PTPRC: variants seen among roughly 807,000 people sequenced by gnomAD.
PTPRC encodes protein tyrosine phosphatase receptor type C, also known as receptor-type tyrosine-protein phosphatase C.
A neutral mutation model predicts 155.9 loss-of-function variants in PTPRC; 44 were observed. The observed-to-expected ratio is 0.28, with a 90% CI of 0.22 to 0.36. PTPRC has a LOEUF of 0.36. PTPRC is among the 10% of genes least tolerant of loss of function. The pLI, the probability that PTPRC is intolerant of heterozygous loss-of-function variation, is 1.00. For synonymous variants in PTPRC, 525 were observed against 533.1 expected, an observed-to-expected ratio of 0.98 and a Z score of 0.21; for missense variants, 1,401 against 1,564.6, an observed-to-expected ratio of 0.90 and a Z score of 1.76.
chr1:198,738,101 A>G (rs1354331411), intron 23 of PTPRC, among the ~76,000 whole-genome samples: 1 of 151,806 alleles, frequency 6.6e-6, no homozygotes, highest in Non-Finnish European at 1.5e-5. Context: ...GGAATGTGCA[A>G]ACAAGTATAA....
chr1:198,646,736 T>C (rs1662957761), intron 2 of PTPRC, among the ~76,000 whole-genome samples: 1 of 151,924 alleles, frequency 6.6e-6, no homozygotes, highest in African/African-American at 2.4e-5. Context: ...AATTATTATG[T>C]TTGAATTCTC....
At chr1:198,708,910 T>C (rs553725109) in intron 10 of PTPRC, among the ~76,000 whole-genome samples, 1 of 152,322 alleles carries the variant, frequency 6.6e-6, no homozygotes, top group East Asian at 1.9e-4. Flanking sequence ...TGTGCTCAGG[T>C]GTGCATGCGC....
At position 198,728,427 on chromosome 1, in the gene PTPRC, A is replaced by G. The variant is rs754699279; in HGVS notation, c.1808A>G (p.Asp603Gly). 3.2e-5 allele frequency: 51 copies of G among 1,612,520 alleles called. No homozygotes were observed. The South Asian group carries it at 4.3e-4, about 14-fold the overall frequency. The change falls in exon 16 of 33, where the codon GAT becomes GGT. Residue 603 changes from aspartate to glycine, a missense_variant. Around this residue, in one of 3 missense-constraint regions of PTPRC, gnomAD observed 867 missense variants for 970.4 expected, o/e 0.89. Transcript: ENST00000442510. ...CTTGTTGTTCTCTACAAAATCTATG[A>G]TCTACATAAGAAAAGATCCTGGTAA... Reference protein sequence around the residue: ...ALLVVLYKIYDLHKKRSCNLD... With the variant: ...ALLVVLYKIYGLHKKRSCNLD...
At chr1:198,740,299 C>A (rs1016189306) in intron 23 of PTPRC, among the ~76,000 whole-genome samples, 2 of 151,698 alleles carry the variant, frequency 1.3e-5, no homozygotes, top group African/African-American at 4.8e-5. Context: ...ATTGACAGGC[C>A]AGGTGCAGTG....
chr1:198,696,328 T>G (rs559158447), intron 3 of PTPRC, among the ~76,000 whole-genome samples: 1 of 152,150 alleles, frequency 6.6e-6, no homozygotes, highest in South Asian at 2.1e-4. Flanking sequence ...ACTTTTTAAT[T>G]TTTTTAATCA....
chr1:198,646,868 A>G (rs1040088787), intron 2 of PTPRC, among the ~76,000 whole-genome samples: 1 of 151,902 alleles, frequency 6.6e-6, no homozygotes, highest in Non-Finnish European at 1.5e-5. Context: ...CTCAATGTAA[A>G]ATAGTGTGTG....
At chr1:198,711,388 G>C (rs1653302316) in intron 11 of PTPRC, among the ~76,000 whole-genome samples, 1 of 152,102 alleles carries the variant, frequency 6.6e-6, no homozygotes, top group Admixed American at 6.6e-5. Context: ...AATGTTTTCA[G>C]TGGGGGAAAA....
Position 198,707,715 on chromosome 1 carries a change from C to A in PTPRC, c.905-418C>A, listed in dbSNP as rs550589618. The stretch of plus-strand genomic sequence containing the variant: ...CAGAAGATGACAATACTTAAAAATG[C>A]ATTTCCCAATAGGGAAACTCCCAAT... On this transcript the variant is annotated intron_variant, in intron 9 of 32. Transcript: ENST00000442510. Among the ~76,000 whole-genome samples, 3 of 152,214 alleles carry A rather than the reference C, an allele frequency of 2.0e-5. No individual in the cohort carries two copies. In the South Asian group the frequency reaches 6.2e-4, roughly 32 times the overall value.
intron 2 of PTPRC, among the ~76,000 whole-genome samples, chr1:198,666,656 A>G (rs1363892019): frequency 6.6e-6 from 1 of 152,216 alleles, no homozygotes; most frequent in Non-Finnish European, 1.5e-5. Flanking sequence ...GACTAGACAC[A>G]GAAATTAAAG....
Position 198,699,709 on chromosome 1 carries a change from G to A in PTPRC, c.439+5G>A. The A allele has an allele frequency of 6.2e-7, 1 of 1,614,154 alleles. No homozygotes were observed. Among genetic ancestry groups the A allele is most frequent in the Non-Finnish European group, 8.5e-7 (1 of 1,180,028 alleles). ...CAGGCAGCAATGCTATCTCAGGTTT[G>A]CGGGTCCTTTAGACTTGTGCAAATA... On this transcript the variant is annotated splice_donor_5th_base_variant and intron_variant, in intron 5 of 32. Coordinates refer to ENST00000442510, the MANE Select transcript of PTPRC (RefSeq NM_002838.5).
In PTPRC at chr1:198,692,575, A is replaced by G. The variant is rs1665986999; in HGVS notation, c.100+202A>G. 3.8e-6 allele frequency: 4 copies of G among 1,053,764 alleles called. No homozygotes were observed. The African/African-American group carries it at 6.7e-5, about 18-fold the overall frequency. The allele number at this position is 1,053,764 out of a possible 1,614,324, so 65.3% of individuals were successfully genotyped here. A position where few individuals can be genotyped will look rare whatever the true frequency, so the allele number is the denominator to read the frequency against. On this transcript the variant is annotated intron_variant, in intron 3 of 32. Coordinates refer to ENST00000442510, the MANE Select transcript of PTPRC (RefSeq NM_002838.5). ...TAATAACTACCTAAACATGTTATTA[A>G]ATTTGTATATATATTTTGTGTATAA...
At chr1:198,682,882 CAAT>C (rs1665417026) in intron 2 of PTPRC, among the ~76,000 whole-genome samples, 1 of 152,118 alleles carries the variant, frequency 6.6e-6, no homozygotes, top group African/African-American at 2.4e-5. Context: ...CACTTTTTAA[CAAT>C]AAGTTTTAAT....
At chr1:198,696,662 A>C in intron 3 of PTPRC, 50 bp from the exon 4 acceptor site, 1 of 1,454,688 alleles carries the variant, frequency 6.9e-7, no homozygotes, top group Non-Finnish European at 9.7e-7. Flanking sequence ...CATTTAGGGT[A>C]TGATTCACAT....
chr1:198,662,975 C>G (rs1352171748), intron 2 of PTPRC, among the ~76,000 whole-genome samples: 1 of 152,154 alleles, frequency 6.6e-6, no homozygotes, highest in African/African-American at 2.4e-5. Flanking sequence ...GAGGGAGGAG[C>G]TGAATTACGC....
intron 2 of PTPRC, among the ~76,000 whole-genome samples, chr1:198,649,018 G>C (rs916098806): frequency 6.6e-6 from 1 of 151,680 alleles, no homozygotes; most frequent in African/African-American, 2.4e-5. Context: ...AGGAAGTGTA[G>C]ACACTAGATA....
chr1:198,701,452 T>A (rs1666458041), intron 5 of PTPRC, among the ~76,000 whole-genome samples: 1 of 151,918 alleles, frequency 6.6e-6, no homozygotes, highest in African/African-American at 2.4e-5. Context: ...CCCAACAAGC[T>A]CTTGAATAGA....
intron 2 of PTPRC, among the ~76,000 whole-genome samples, chr1:198,669,388 T>C (rs1664515240): frequency 6.6e-6 from 1 of 152,216 alleles, no homozygotes; most frequent in Non-Finnish European, 1.5e-5. Context: ...TTTTATGCTT[T>C]CTGGCCTCCT....
At position 198,709,611 on chromosome 1, in the gene PTPRC, A is replaced by G; in HGVS notation, c.1034-76A>G. ...GATAAATATTAAATAGAGAATTATA[A>G]ATGTGAAATTAGAAAATAAATGTGT... On this transcript the variant is annotated intron_variant, in intron 10 of 32. Transcript: ENST00000442510. 2.4e-6 allele frequency: 3 copies of G among 1,241,806 alleles called. No homozygotes were observed. In the South Asian group the frequency reaches 4.9e-5, roughly 20 times the overall value. The allele number at this position is 1,241,806 out of a possible 1,614,324, so 76.9% of individuals were successfully genotyped here.
Position 198,732,369 on chromosome 1 carries a change from C to T in PTPRC, c.2044C>T (p.Arg682Cys), listed in dbSNP as rs1553243145. The change falls in exon 19 of 33, where the codon CGT becomes TGT. Residue 682 changes from arginine to cysteine, a missense_variant. Physicochemically the swap from Arg to Cys is radical, Grantham distance 180 (BLOSUM62 -3). Transcript: ENST00000442510. The part of the protein sequence containing the change: ...ARKPFNQNKN[R>C]YVDILPYDYN... Reference sequence around the variant, plus strand: ...AAAGCCCTTTAACCAGAATAAAAACCGTTATGTTGACATTCTTCCTTGTGA... The same window carrying T: ...AAAGCCCTTTAACCAGAATAAAAACTGTTATGTTGACATTCTTCCTTGTGA... The T allele has an allele frequency of 1.2e-6, 2 of 1,611,894 alleles. No individual in the cohort carries two copies. Among genetic ancestry groups the T allele is most frequent in the Non-Finnish European group, 1.7e-6 (2 of 1,178,522 alleles).
Sources: allele counts gnomAD v4.1 joint callset (sites outside exome capture counted in the v4.1 genomes callset), GRCh38; gene constraint gnomAD v4.1.1; regional missense constraint gnomAD v4.1.1; transcripts MANE v1.5; gene names NCBI Gene and HGNC (gene_info 2026-07-23, HGNC 2026-07-21).